The following SLC15A2 variants were observed in gnomAD, a reference collection of about 807,000 sequenced individuals.
SLC15A2 encodes kidney H(+)/peptide cotransporter.
SLC15A2 carries 77 observed loss-of-function variants against 95.5 expected under a neutral mutation model. The observed-to-expected ratio is 0.81, with a 90% confidence interval of 0.67 to 0.97. The LOEUF (loss-of-function observed/expected upper bound fraction) is 0.97. SLC15A2 is among the 50% of genes least tolerant of loss of function. The pLI is 0.00. For missense variants in SLC15A2, 893 were observed against 874.4 expected (o/e 1.02, Z -0.27); for synonymous variants, 306 against 306.9 (o/e 1.00, Z 0.03).
chr3:121,912,645 T>C (rs1181866593), intron 4 of SLC15A2, among the ~76,000 whole-genome samples: 4 of 152,196 alleles, frequency 2.6e-5, no homozygotes, highest in African/African-American at 7.2e-5. Context: ...GGTAAGAATA[T>C]GTGAGATCAG....
intron 7 of SLC15A2, among the ~76,000 whole-genome samples, chr3:121,917,472 T>G (rs1401905644): frequency 1.3e-5 from 2 of 152,074 alleles, no homozygotes; most frequent in African/African-American, 4.8e-5. Context: ...GAGGATTGCG[T>G]GAGCTCAGGA....
At chr3:121,937,055 T>C (rs1710361761) in intron 19 of SLC15A2, among the ~76,000 whole-genome samples, 1 of 148,340 alleles carries the variant, frequency 6.7e-6, no homozygotes, top group Non-Finnish European at 1.5e-5. Context: ...AAATTCTGGG[T>C]TGAAAATTCT....
chr3:121,898,417 T>C (rs1252333696), intron 3 of SLC15A2, among the ~76,000 whole-genome samples: 1 of 152,208 alleles, frequency 6.6e-6, no homozygotes, highest in Non-Finnish European at 1.5e-5. Flanking sequence ...CACCAAGAGA[T>C]ATAACATGGT....
At chr3:121,926,455 C>T (rs999663978) in intron 13 of SLC15A2, among the ~76,000 whole-genome samples, 1 of 152,132 alleles carries the variant, frequency 6.6e-6, no homozygotes, top group Non-Finnish European at 1.5e-5. Context: ...CCAGAGGGTA[C>T]AAGCCATAAA....
intron 11 of SLC15A2, among the ~76,000 whole-genome samples, chr3:121,923,901 T>C (rs1710058576): frequency 1.3e-5 from 2 of 152,182 alleles, no homozygotes; most frequent in South Asian, 4.1e-4. Context: ...AATTTTACCT[T>C]TTCCCTTCCT....
chr3:121,909,020 A>T (rs1242327949), intron 3 of SLC15A2, among the ~76,000 whole-genome samples: 1 of 152,048 alleles, frequency 6.6e-6, no homozygotes, highest in African/African-American at 2.4e-5. Flanking sequence ...AATAAAAAAA[A>T]AGTCACTGTT....
intron 3 of SLC15A2, among the ~76,000 whole-genome samples, chr3:121,899,166 A>G (rs1338495728): frequency 6.6e-6 from 1 of 152,200 alleles, no homozygotes; most frequent in East Asian, 1.9e-4. Context: ...GGATTTGGTG[A>G]GCAATTGTTT....
chr3:121,924,693 T>C (rs563417003), intron 12 of SLC15A2, among the ~76,000 whole-genome samples: 1 of 152,272 alleles, frequency 6.6e-6, no homozygotes, highest in South Asian at 2.1e-4. Context: ...AGGAAAGAGC[T>C]CACAATAAGG....
chr3:121,938,668 C>A (rs934233097), intron 19 of SLC15A2, among the ~76,000 whole-genome samples: 9 of 152,246 alleles, frequency 5.9e-5, no homozygotes, highest in African/African-American at 1.9e-4. Flanking sequence ...CACTGTCTGG[C>A]ACTCCCTAGT....
At chr3:121,912,945 C>A in intron 4 of SLC15A2, 76 bp from the exon 5 acceptor site, 1 of 1,002,222 alleles carries the variant, frequency 1.0e-6, no homozygotes, top group Non-Finnish European at 1.5e-6. Flanking sequence ...ATTTTTTCCC[C>A]TCTGCAGCTC....
Position 121,928,596 on chromosome 3 carries a change from A to C in SLC15A2, c.1341+41A>C, listed in dbSNP as rs749261763. The C allele has an allele frequency of 7.0e-6, 11 of 1,581,450 alleles. No homozygotes were observed. In the South Asian group the frequency reaches 1.3e-4, roughly 18 times the overall value. On this transcript the variant is annotated intron_variant, in intron 15 of 21. Transcript: ENST00000489711. ...GAATGAATTAGAAACTCTGTATGCT[A>C]TATTGATCTTGATTTTTCCTTAACA...
In SLC15A2 at chr3:121,931,019, A is replaced by G. The variant is rs1056441295; in HGVS notation, c.1664+69A>G. On this transcript the variant is annotated intron_variant, in intron 18 of 21. Transcript: ENST00000489711. ...TGTTTTTTAAGTGCTATCTTTGTAT[A>G]TAGGTGGGGAACTTAGGTGCATGTG... The G allele has an allele frequency of 4.0e-6, 4 of 1,000,588 alleles. No individual in the cohort carries two copies. The Admixed American group carries it at 5.4e-5, about 13-fold the overall frequency. The allele number at this position is 1,000,588 out of a possible 1,614,324, so 62.0% of individuals were successfully genotyped here.
intron 2 of SLC15A2, 21 bp downstream of exon 2, chr3:121,896,514 C>A (rs1218954547): frequency 1.3e-6 from 2 of 1,577,428 alleles, no homozygotes; most frequent in Non-Finnish European, 8.7e-7. Context: ...GTCCAAGAGT[C>A]CTACCTACTC....
At chr3:121,922,706 T>C (rs895746666) in intron 8 of SLC15A2, 69 bp from the exon 9 acceptor site, 15 of 1,094,884 alleles carry the variant, frequency 1.4e-5, no homozygotes, top group Non-Finnish European at 2.1e-5. Flanking sequence ...AAGGAAGGTA[T>C]AATAAGTTGG....
Position 121,927,793 on chromosome 3 carries a change from C to T in SLC15A2, c.1160C>T (p.Ala387Val), listed in dbSNP as rs779956896. The T allele has an allele frequency of 2.9e-5, 46 of 1,613,716 alleles. No individual in the cohort carries two copies. Among genetic ancestry groups the T allele is most frequent in the Non-Finnish European group, 3.3e-5 (39 of 1,179,742 alleles). ...AAAATGGCTGTTGGTATGATCCTAG[C>T]ATGCCTGGCATTTGCAGTTGCGGCA... ...LRKMAVGMIL[A>V]CLAFAVAAAV... The change falls in exon 14 of 22, where the codon GCA becomes GTA. Residue 387 changes from alanine (A) to valine (V), a missense_variant. Ala to Val is a moderately conservative substitution (Grantham distance 64). Transcript: ENST00000489711.
chr3:121,903,693 C>A (rs1190802010), intron 3 of SLC15A2, among the ~76,000 whole-genome samples: 2 of 152,128 alleles, frequency 1.3e-5, no homozygotes, highest in Admixed American at 6.5e-5. Context: ...GGCCTCTGTT[C>A]TGTTCCATTG....
chr3:121,896,802 T>C (rs541390989), intron 2 of SLC15A2, among the ~76,000 whole-genome samples: 20 of 150,462 alleles, frequency 1.3e-4, no homozygotes, highest in African/African-American at 3.7e-4. Flanking sequence ...AGCAGGAGGA[T>C]TGCTTGGGCC....
At chr3:121,937,569 C>A (rs1347341628) in intron 19 of SLC15A2, among the ~76,000 whole-genome samples, 13 of 151,468 alleles carry the variant, frequency 8.6e-5, no homozygotes, top group Non-Finnish European at 1.6e-4. Flanking sequence ...GCTCCTGAGG[C>A]TTCTGCATTC....
rs1366902386 is a variant in SLC15A2 at position 121,925,732 on chromosome 3, A to G, written c.1124+699A>G. ...ACTTAGTAAAGGGGCTAGACTATAT[A>G]TATATATATATATATATATATATAT... On this transcript the variant is annotated intron_variant, in intron 13 of 21. Transcript: ENST00000489711. Among the ~76,000 whole-genome samples, 8 of 7,550 alleles carry G rather than the reference A, an allele frequency of 1.1e-3. 2 individuals carry two copies. Among genetic ancestry groups the G allele is most frequent in the African/African-American group, 1.5e-3 (3 of 1,960 alleles). The allele number at this position is 7,550 out of a possible 152,430, so 5.0% of individuals were successfully genotyped here.
Sources: gnomAD v4.1 joint callset for allele counts (sites outside exome capture counted in the v4.1 genomes callset) on GRCh38, gnomAD v4.1.1 for gene constraint, MANE v1.5 for transcripts, NCBI Gene and HGNC (gene_info 2026-07-23, HGNC 2026-07-21) for gene names.